The following LRP1B variants were observed in gnomAD, a reference collection of about 807,000 sequenced individuals.
LRP1B encodes the protein low-density lipoprotein receptor-related protein 1B.
In LRP1B, 217 loss-of-function variants were observed where a neutral mutation model predicts 556.6. That is an observed-to-expected ratio of 0.39 (90% CI 0.35 to 0.44). The LOEUF is 0.44. Ranked by LOEUF, LRP1B falls within the 20% of genes least tolerant of loss-of-function variation. LRP1B has a pLI of 1.00. For missense variants in LRP1B, 5,053 were observed against 5,620.8 expected (o/e 0.90, Z 3.23); for synonymous variants, 2,047 against 1,865.8 (o/e 1.10, Z -2.50).
chr2:140,908,573 A>G (rs1171522554), intron 21 of LRP1B, among the ~76,000 whole-genome samples: 2 of 151,794 alleles, frequency 1.3e-5, no homozygotes, highest in Non-Finnish European at 2.9e-5. Flanking sequence ...TTGTCCTTCT[A>G]TTTACATTTA....
At chr2:141,914,545 A>T (rs1425973543) in intron 1 of LRP1B, among the ~76,000 whole-genome samples, 1 of 152,238 alleles carries the variant, frequency 6.6e-6, no homozygotes, top group Non-Finnish European at 1.5e-5. Flanking sequence ...TCCAAATAGG[A>T]AAAGAAGTAG....
chr2:141,594,078 C>T (rs1687430957), intron 2 of LRP1B, among the ~76,000 whole-genome samples: 1 of 152,066 alleles, frequency 6.6e-6, no homozygotes, highest in Non-Finnish European at 1.5e-5. Context: ...TGCTTTGACC[C>T]TTTTTGCCTA....
intron 2 of LRP1B, among the ~76,000 whole-genome samples, chr2:141,691,773 T>C (rs1274198582): frequency 2.0e-5 from 3 of 151,954 alleles, no homozygotes; most frequent in Non-Finnish European, 4.4e-5. Flanking sequence ...TCATATGGCT[T>C]CTATTTCCTC....
intron 27 of LRP1B, among the ~76,000 whole-genome samples, chr2:140,861,129 G>A (rs1259815665): frequency 1.3e-5 from 2 of 152,092 alleles, no homozygotes; most frequent in African/African-American, 2.4e-5. Flanking sequence ...TAATGTGGCC[G>A]GGCGCAGTGG....
intron 3 of LRP1B, among the ~76,000 whole-genome samples, chr2:141,429,648 C>A (rs768388336): frequency 6.6e-6 from 1 of 152,124 alleles, no homozygotes; most frequent in Non-Finnish European, 1.5e-5. Context: ...TCCCACCTCC[C>A]GCCCTCCAAC....
intron 2 of LRP1B, among the ~76,000 whole-genome samples, chr2:141,650,006 C>T (rs936699947): frequency 6.6e-6 from 1 of 152,058 alleles, no homozygotes; most frequent in Non-Finnish European, 1.5e-5. Flanking sequence ...ATGGTGAAAC[C>T]CTGTCTCTAC....
intron 32 of LRP1B, among the ~76,000 whole-genome samples, chr2:140,802,323 T>A (rs1242798977): frequency 6.6e-6 from 1 of 152,166 alleles, no homozygotes; most frequent in East Asian, 1.9e-4. Context: ...ATTGTCCTAT[T>A]TCCTATGTCA....
intron 2 of LRP1B, among the ~76,000 whole-genome samples, chr2:141,558,865 C>G (rs1686048681): frequency 6.6e-6 from 1 of 151,662 alleles, no homozygotes. Context: ...TAAAACAGCG[C>G]TATGAATCTA....
chr2:142,076,463 CAA>C (rs1370793647), intron 1 of LRP1B, among the ~76,000 whole-genome samples: 1 of 151,994 alleles, frequency 6.6e-6, no homozygotes, highest in African/African-American at 2.4e-5. Context: ...GAAAAAGCAA[CAA>C]AGAGAAAGTG....
At chr2:140,817,478 T>G (rs1329631345) in intron 31 of LRP1B, among the ~76,000 whole-genome samples, 1 of 151,910 alleles carries the variant, frequency 6.6e-6, no homozygotes, top group African/African-American at 2.4e-5. Context: ...CTTTATATAT[T>G]ACTTTATTTG....
intron 7 of LRP1B, among the ~76,000 whole-genome samples, chr2:141,093,195 T>A (rs930098982): frequency 6.6e-6 from 1 of 152,108 alleles, no homozygotes; most frequent in Non-Finnish European, 1.5e-5. Context: ...AACTCATGGA[T>A]AAAGGAAGAA....
chr2:141,666,994 T>A (rs1413525901), intron 2 of LRP1B, among the ~76,000 whole-genome samples: 2 of 152,146 alleles, frequency 1.3e-5, no homozygotes. Flanking sequence ...TTTTTTTAAC[T>A]GAGTGTTTCC....
chr2:140,383,269 C>T (rs1004500388), intron 67 of LRP1B, among the ~76,000 whole-genome samples: 2 of 151,066 alleles, frequency 1.3e-5, no homozygotes, highest in Admixed American at 1.3e-4. Context: ...TACCACAGCC[C>T]TAATGTATTA....
intron 47 of LRP1B, among the ~76,000 whole-genome samples, chr2:140,526,698 C>CAAAAAAAAAAAAAAA (rs35329112): frequency 1.5e-5 from 2 of 136,300 alleles, no homozygotes; most frequent in African/African-American, 2.7e-5. Context: ...AGCACTGAGC[C>CAAAAAAAAAAAAAAA]AAAAAAAAAA....
intron 32 of LRP1B, among the ~76,000 whole-genome samples, chr2:140,784,832 A>G (rs1689840157): frequency 6.6e-6 from 1 of 152,002 alleles, no homozygotes; most frequent in African/African-American, 2.4e-5. Context: ...AATTTTTTTT[A>G]AGGAAGGAAA....
At chr2:141,904,882 A>G (rs971923666) in intron 1 of LRP1B, among the ~76,000 whole-genome samples, 1 of 151,958 alleles carries the variant, frequency 6.6e-6, no homozygotes. Context: ...TGACAAGTCT[A>G]ATAAGACAGG....
At chr2:141,908,224 A>G (rs1699811323) in intron 1 of LRP1B, among the ~76,000 whole-genome samples, 2 of 152,076 alleles carry the variant, frequency 1.3e-5, no homozygotes, top group Non-Finnish European at 2.9e-5. Context: ...ATTTGTCATC[A>G]TATGGTCTGC....
intron 59 of LRP1B, among the ~76,000 whole-genome samples, chr2:140,483,641 T>TA (rs1491178607): frequency 0.033 from 1,692 of 51,612 alleles, 12 homozygotes; most frequent in Middle Eastern, 0.078. Context: ...TATATATATA[T>TA]TTTTTTTTTT....
chr2:140,862,353 T>C (rs184360879), intron 27 of LRP1B, among the ~76,000 whole-genome samples: 2 of 152,344 alleles, frequency 1.3e-5, no homozygotes, highest in African/African-American at 2.4e-5. Context: ...TTAAGTTTTA[T>C]TGGCACACAG....
Sources: gnomAD v4.1 joint callset for allele counts (sites outside exome capture counted in the v4.1 genomes callset) on GRCh38, gnomAD v4.1.1 for gene constraint, MANE v1.5 for transcripts, NCBI Gene and HGNC (gene_info 2026-07-23, HGNC 2026-07-21) for gene names.